RAB44: variants seen among roughly 807,000 people sequenced by gnomAD.
RAB44 encodes ras-related protein Rab-44.
RAB44 carries 67 observed loss-of-function variants against 93.3 expected under a neutral mutation model. That is an observed-to-expected ratio of 0.72 (90% CI 0.59 to 0.88). The LOEUF (loss-of-function observed/expected upper bound fraction) is 0.88. Ranked by LOEUF, RAB44 falls within the 40% of genes least tolerant of loss-of-function variation. The pLI is 0.00. For synonymous variants in RAB44, 427 were observed against 520.3 expected (o/e 0.82, Z 2.44); for missense variants, 1,064 against 1,261.7 (o/e 0.84, Z 2.37).
intron 1 of RAB44, among the ~76,000 whole-genome samples, chr6:36,701,049 C>T (rs1173735844): frequency 6.6e-6 from 1 of 152,190 alleles, no homozygotes; most frequent in Admixed American, 6.5e-5. Flanking sequence ...GGGGACTTCC[C>T]TATTCTAACC....
rs1440982555 is a variant in RAB44 at position 36,732,548 on chromosome 6, C to T, written c.*455C>T. 6.6e-6 allele frequency: 1 copy of T among 152,216 alleles called. No individual in the cohort carries two copies. Among genetic ancestry groups the T allele is most frequent in the Admixed American group, 6.5e-5 (1 of 15,274 alleles). The allele number at this position is 152,216 out of a possible 1,614,324, so 9.4% of individuals were successfully genotyped here. A position where few individuals can be genotyped will look rare whatever the true frequency, so the allele number is the denominator to read the frequency against. ...GGAGAGAAACTTCCCAAGGAGCTCC[C>T]TTGGGTGCTGCTGGCTCCTAATTAG... On this transcript the variant is annotated 3_prime_UTR_variant, in exon 14 of 14. Coordinates refer to ENST00000612677, the MANE Select transcript of RAB44 (RefSeq NM_001257357.2).
chr6:36,721,106 C>A, intron 8 of RAB44, 45 bp from the exon 9 acceptor site: 1 of 1,234,060 alleles, frequency 8.1e-7, no homozygotes. Flanking sequence ...TGTGACACCA[C>A]CTACCTGCCC....
intron 9 of RAB44, among the ~76,000 whole-genome samples, chr6:36,723,966 A>G (rs1763166763): frequency 6.6e-6 from 1 of 151,876 alleles, no homozygotes; most frequent in South Asian, 2.1e-4. Context: ...ACCAGTCGGT[A>G]AATGACAGCC....
At chr6:36,700,608 T>C (rs1037354249) in intron 1 of RAB44, among the ~76,000 whole-genome samples, 10 of 151,732 alleles carry the variant, frequency 6.6e-5, no homozygotes, top group African/African-American at 9.7e-5. Flanking sequence ...CAGCTAGTTT[T>C]ATTTTATTTT....
At chr6:36,724,351 A>C (rs183389737) in intron 9 of RAB44, among the ~76,000 whole-genome samples, 3 of 152,020 alleles carry the variant, frequency 2.0e-5, no homozygotes, top group African/African-American at 7.2e-5. Flanking sequence ...TACTTTTAGT[A>C]GAGATGAAGT....
At chr6:36,730,070 C>T (rs1206472158) in intron 12 of RAB44, among the ~76,000 whole-genome samples, 2 of 152,098 alleles carry the variant, frequency 1.3e-5, no homozygotes, top group Non-Finnish European at 2.9e-5. Flanking sequence ...GAAATGCTTA[C>T]AATATAATAG....
rs1484014892 is a variant in RAB44 at position 36,731,126 on chromosome 6, A to G, written c.2975+377A>G. 5.3e-5 allele frequency among the ~76,000 whole-genome samples: 8 copies of G among 151,504 alleles called. No homozygotes were observed. Among genetic ancestry groups the G allele is most frequent in the Admixed American group, 4.0e-4 (6 of 15,188 alleles). On this transcript the variant is annotated intron_variant, in intron 13 of 13. Transcript: ENST00000612677. This position sits in a 1 kb window ranked among gnomAD's most constrained non-coding sequence, Gnocchi z 4.0. ...AATGGCCTGCAGCATCTCTAGTGCC[A>G]TCTCCCCCACCCCTACACACACACA...
Position 36,720,351 on chromosome 6 carries a change from T to G in RAB44, c.829-12T>G. 2.4e-6 allele frequency: 3 copies of G among 1,232,278 alleles called. No homozygotes were observed. Among genetic ancestry groups the G allele is most frequent in the Non-Finnish European group, 3.0e-6 (3 of 988,074 alleles). The allele number at this position is 1,232,278 out of a possible 1,614,324, so 76.3% of individuals were successfully genotyped here. ...ATCTGGGCTTCTCTCCGCCTCACCC[T>G]CCACCCTGCAGCTGGAGGCCCAGCT... On this transcript the variant is annotated splice_polypyrimidine_tract_variant and intron_variant, in intron 7 of 13. Transcript: ENST00000612677.
intron 9 of RAB44, among the ~76,000 whole-genome samples, chr6:36,723,943 G>A (rs1763166341): frequency 6.6e-6 from 1 of 151,406 alleles, no homozygotes; most frequent in African/African-American, 2.4e-5. Context: ...TGCCGACTGG[G>A]GATCAGAGCC....
chr6:36,722,251 C>A lies in RAB44; in HGVS notation c.2117C>A (p.Ala706Glu), dbSNP rs550489251. 2.4e-6 allele frequency: 3 copies of A among 1,274,188 alleles called. No homozygotes were observed. Among genetic ancestry groups the A allele is most frequent in the Admixed American group, 3.8e-5 (1 of 26,420 alleles). 78.9% of individuals were successfully genotyped at this position (1,274,188 alleles called of 1,614,324 possible). The change falls in exon 9 of 14, where the codon GCG (alanine) becomes GAG (glutamate). Residue 706 changes from alanine (A) to glutamate (E), a missense_variant. Ala to Glu is a moderately radical substitution (Grantham distance 107, BLOSUM62 -1). Transcript: ENST00000612677. ...QSVEAHGLET[A>E]HSELPQQDSL... ...GTTGAGGCTCACGGCCTAGAAACTG[C>A]GCATTCGGAACTCCCCCAGCAAGAC...
chr6:36,705,948 G>A (rs539495968), intron 2 of RAB44, among the ~76,000 whole-genome samples: 128 of 151,636 alleles, frequency 8.4e-4, no homozygotes, highest in African/African-American at 2.9e-3. Context: ...TACCCAGGAT[G>A]GAGTGCAGTG....
intron 2 of RAB44, among the ~76,000 whole-genome samples, chr6:36,707,397 T>G (rs912115523): frequency 6.6e-6 from 1 of 151,414 alleles, no homozygotes; most frequent in South Asian, 2.1e-4. Context: ...AACTGAGGGT[T>G]AGAGACAGCT....
intron 1 of RAB44, among the ~76,000 whole-genome samples, chr6:36,700,954 T>G (rs1200033314): frequency 6.6e-6 from 1 of 152,052 alleles, no homozygotes; most frequent in Non-Finnish European, 1.5e-5. Context: ...CAAGAAGGGG[T>G]ATCTATGTGG....
At chr6:36,707,465 A>C (rs1444788927) in intron 2 of RAB44, among the ~76,000 whole-genome samples, 2 of 152,328 alleles carry the variant, frequency 1.3e-5, no homozygotes, top group East Asian at 1.9e-4. Flanking sequence ...AATAAAAAAT[A>C]ATATCAACTA....
rs373464240 is a variant in RAB44, at chr6:36,720,314, G to A, written c.829-49G>A. On this transcript the variant is annotated intron_variant, in intron 7 of 13. Transcript: ENST00000612677. Reference sequence around the variant, plus strand: ...ACAATGGCCTTGGGAGGCTTTTTGCGCCCTGGAGGGCATCTGGGCTTCTCT... The same window carrying A: ...ACAATGGCCTTGGGAGGCTTTTTGCACCCTGGAGGGCATCTGGGCTTCTCT... 2.7e-4 allele frequency: 332 copies of A among 1,229,362 alleles called. No individual in the cohort carries two copies. In the African/African-American group the frequency reaches 4.3e-3, roughly 16 times the overall value. The allele number at this position is 1,229,362 out of a possible 1,614,324, so 76.2% of individuals were successfully genotyped here.
chr6:36,717,447 G>C lies in RAB44; in HGVS notation c.641+28G>C, dbSNP rs1762950222. On this transcript the variant is annotated intron_variant, in intron 5 of 13. Transcript: ENST00000612677. The surrounding 1 kb of genome is among the most constrained non-coding windows in gnomAD (Gnocchi z 4.1). The stretch of plus-strand genomic sequence containing the variant: ...GAGTGGGGGGCCTGGCCGGGTGTCT[G>C]ATACGAAGTAGGTGCTCTTCACATT... 1.6e-6 allele frequency: 2 copies of C among 1,231,994 alleles called. No homozygotes were observed. The highest frequency in any genetic ancestry group is 1.5e-5 in the African/African-American group (1 of 64,552). 76.3% of individuals were successfully genotyped at this position (1,231,994 alleles called of 1,614,324 possible).
rs778672610 is a variant in RAB44, at chr6:36,699,235, T to TA, written c.-13+1326dup. ...AGGTGTCTGGAAGGTGCTATTTTCT[T>TA]AAAAAATGCCAGGGGACTGCTGGAA... On this transcript the variant is annotated intron_variant, in intron 1 of 13. Transcript: ENST00000612677. 4.6e-5 allele frequency among the ~76,000 whole-genome samples: 7 copies of TA among 152,124 alleles called. No homozygotes were observed. The East Asian group carries it at 1.4e-3, about 30-fold the overall frequency.
intron 4 of RAB44, among the ~76,000 whole-genome samples, 184 bp downstream of exon 4, chr6:36,715,837 G>C (rs1296630974): frequency 6.6e-6 from 1 of 152,206 alleles, no homozygotes; most frequent in South Asian, 2.1e-4. Context: ...TGTTTCCTGG[G>C]CTGCAGAATG....
At chr6:36,706,902 A>AT (rs766189496) in intron 2 of RAB44, among the ~76,000 whole-genome samples, 11 of 151,996 alleles carry the variant, frequency 7.2e-5, no homozygotes, top group Non-Finnish European at 1.5e-4. Flanking sequence ...GATGTTTTGT[A>AT]TTTTTTATAG....
Sources: gnomAD v4.1 joint callset for allele counts (sites outside exome capture counted in the v4.1 genomes callset) on GRCh38, gnomAD v4.1.1 for gene constraint, Gnocchi (gnomAD v3.1) non-coding constraint, MANE v1.5 for transcripts, NCBI Gene and HGNC (gene_info 2026-07-23, HGNC 2026-07-21) for gene names.